The following FMN1 variants were observed in gnomAD, a reference collection of about 807,000 sequenced individuals.
The protein encoded by FMN1 is formin-1.
A neutral mutation model predicts 132.4 loss-of-function variants in FMN1; 110 were observed. The ratio of observed to expected loss-of-function variants is 0.83; its 90% CI spans 0.71 to 0.97. The LOEUF (loss-of-function observed/expected upper bound fraction) is 0.97. FMN1 is among the 50% of genes least tolerant of loss of function. The pLI, the probability that FMN1 is intolerant of heterozygous loss-of-function variation, is 0.00. For missense variants in FMN1, 1,792 were observed against 1,705.3 expected, an observed-to-expected ratio of 1.05 and a Z score of -0.90; for synonymous variants, 722 against 651.7, an observed-to-expected ratio of 1.11 and a Z score of -1.64.
At position 32,768,893 on chromosome 15, in the gene FMN1, CA is replaced by C. The variant is rs776114491; in HGVS notation, c.*5416del. The C allele has an allele frequency of 1.3e-5, 2 of 152,158 alleles. No individual in the cohort carries two copies. Among genetic ancestry groups the C allele is most frequent in the Non-Finnish European group, 2.9e-5 (2 of 68,018 alleles). The allele number at this position is 152,158 out of a possible 1,614,324, so 9.4% of individuals were successfully genotyped here. ...GAATAAAAGTCAATCTTCCCCACATCAAGAACTTCAGAGATGTAATATAAAG... is the reference window on the plus strand; with the variant it reads ...GAATAAAAGTCAATCTTCCCCACATCAGAACTTCAGAGATGTAATATAAAG... On this transcript the variant is annotated 3_prime_UTR_variant, in exon 21 of 21. Transcript: ENST00000616417.
chr15:32,782,206 A>T (rs148520185), intron 19 of FMN1, among the ~76,000 whole-genome samples: 5 of 152,334 alleles, frequency 3.3e-5, no homozygotes, highest in African/African-American at 1.2e-4. Flanking sequence ...AACGAGCAGG[A>T]TTTATCCATA....
At chr15:33,093,628 T>A (rs1292920442) in intron 4 of FMN1, among the ~76,000 whole-genome samples, 3 of 152,208 alleles carry the variant, frequency 2.0e-5, no homozygotes, top group Non-Finnish European at 1.5e-5. Context: ...GATACAATTC[T>A]GAGAAGGTGT....
At chr15:33,095,047 G>A (rs1002734091) in intron 4 of FMN1, among the ~76,000 whole-genome samples, 1 of 152,164 alleles carries the variant, frequency 6.6e-6, no homozygotes, top group East Asian at 1.9e-4. Context: ...ATTTTAGTAT[G>A]TTTGGTTATA....
intron 6 of FMN1, among the ~76,000 whole-genome samples, chr15:33,020,660 A>T (rs984403087): frequency 6.7e-6 from 1 of 149,436 alleles, no homozygotes; most frequent in Non-Finnish European, 1.5e-5. Context: ...AAAAAAAGAC[A>T]CTATGCTTAG....
intron 10 of FMN1, among the ~76,000 whole-genome samples, chr15:32,921,845 G>A (rs1347666281): frequency 1.3e-5 from 2 of 151,798 alleles, no homozygotes; most frequent in East Asian, 3.9e-4. Context: ...GCTAATTTTT[G>A]TGTTTTTTGT....
intron 4 of FMN1, among the ~76,000 whole-genome samples, chr15:33,118,901 G>A (rs1342041278): frequency 6.8e-6 from 1 of 146,928 alleles, no homozygotes; most frequent in South Asian, 2.1e-4. Context: ...AAGATTGGCC[G>A]TAAACCTTCC....
At chr15:33,157,443 T>G (rs1281309028) in intron 3 of FMN1, among the ~76,000 whole-genome samples, 3 of 152,124 alleles carry the variant, frequency 2.0e-5, no homozygotes, top group African/African-American at 7.2e-5. Context: ...ATTTTACAGA[T>G]GAGGAAACTG....
intron 17 of FMN1, among the ~76,000 whole-genome samples, chr15:32,831,278 G>GT (rs2058494810): frequency 6.6e-6 from 1 of 151,746 alleles, no homozygotes; most frequent in African/African-American, 2.4e-5. Flanking sequence ...GAGTGCAGTG[G>GT]TATGATCTCG....
In FMN1 at chr15:32,768,827, A is replaced by G. The variant is rs889536507; in HGVS notation, c.*5483T>C. 6.6e-6 allele frequency: 1 copy of G among 152,212 alleles called. No homozygotes were observed. Among genetic ancestry groups the G allele is most frequent in the Non-Finnish European group, 1.5e-5 (1 of 68,020 alleles). The allele number at this position is 152,212 out of a possible 1,614,324, so 9.4% of individuals were successfully genotyped here. A position where few individuals can be genotyped will look rare whatever the true frequency, so the allele number is the denominator to read the frequency against. ...CATAAGCGTAGAGGGAATGTAGAAA[A>G]ATAAATTGATGGCTATATCTAACAC... On this transcript the variant is annotated 3_prime_UTR_variant, in exon 21 of 21. Transcript: ENST00000616417.
At chr15:32,800,636 G>A (rs377478745) in intron 18 of FMN1, among the ~76,000 whole-genome samples, 1 of 152,204 alleles carries the variant, frequency 6.6e-6, no homozygotes, top group East Asian at 1.9e-4. Context: ...TTTACAGGAT[G>A]ACTTGCCCAA....
chr15:32,805,152 C>T (rs1044564644), intron 17 of FMN1, among the ~76,000 whole-genome samples: 5 of 152,220 alleles, frequency 3.3e-5, no homozygotes, highest in African/African-American at 7.2e-5. Flanking sequence ...TATTTCTCCA[C>T]ACCTTCTCCA....
chr15:33,104,780 A>G (rs2039421362), intron 4 of FMN1, among the ~76,000 whole-genome samples: 1 of 152,146 alleles, frequency 6.6e-6, no homozygotes, highest in Non-Finnish European at 1.5e-5. Flanking sequence ...ATTTGATATA[A>G]ATTTGTAAAG....
At chr15:32,791,048 TG>T in intron 19 of FMN1, among the ~76,000 whole-genome samples, 1 of 152,050 alleles carries the variant, frequency 6.6e-6, no homozygotes, top group South Asian at 2.1e-4. Context: ...CAGGAAATAA[TG>T]GGGGGAATGC....
At position 32,968,787 on chromosome 15, in the gene FMN1, G is replaced by C. The variant is rs375237808; in HGVS notation, c.2914C>G (p.Arg972Gly). ...CAACTGGGCTCGATGGCTGGTTTTC[G>C]AGGACATTGACTGGAAGAAGAGCCA... ...GLGSSSSQCPRKPAIEPSCPM... is the reference protein window; with the variant it reads ...GLGSSSSQCPGKPAIEPSCPM... The change falls in exon 8 of 21, where the codon CGA becomes GGA. Residue 972 changes from arginine (R) to glycine (G), a missense_variant. Physicochemically the swap from Arg to Gly is moderately radical, Grantham distance 125 (BLOSUM62 -2). Around this residue, in one of 3 missense-constraint regions of FMN1, gnomAD observed 1,150 missense variants for 1,043.1 expected, o/e 1.10. Transcript: ENST00000616417. 1 of 1,612,256 alleles carries C rather than the reference G, an allele frequency of 6.2e-7. No individual in the cohort carries two copies. The highest frequency in any genetic ancestry group is 8.5e-7 in the Non-Finnish European group (1 of 1,179,530).
chr15:33,046,147 A>G (rs975968213), intron 6 of FMN1, among the ~76,000 whole-genome samples: 1 of 152,174 alleles, frequency 6.6e-6, no homozygotes, highest in East Asian at 1.9e-4. Context: ...ATCAATCTCT[A>G]GAGAAATCAT....
At chr15:32,841,353 T>G (rs534756128) in intron 17 of FMN1, among the ~76,000 whole-genome samples, 4 of 152,330 alleles carry the variant, frequency 2.6e-5, no homozygotes, top group African/African-American at 9.6e-5. Flanking sequence ...GGCTTGTATT[T>G]CAGATTGATC....
chr15:33,040,059 A>T (rs1251886721), intron 6 of FMN1, among the ~76,000 whole-genome samples: 1 of 152,210 alleles, frequency 6.6e-6, no homozygotes, highest in Non-Finnish European at 1.5e-5. Context: ...TCCCCATGGA[A>T]GACGTGGCAC....
intron 17 of FMN1, among the ~76,000 whole-genome samples, chr15:32,839,432 T>C (rs2058697760): frequency 6.6e-6 from 1 of 152,104 alleles, no homozygotes. Flanking sequence ...TTTAGTGTTC[T>C]GCTTGTCTCG....
chr15:32,942,141 C>T (rs1344301743), intron 9 of FMN1, among the ~76,000 whole-genome samples: 20 of 152,338 alleles, frequency 1.3e-4, no homozygotes, highest in East Asian at 3.9e-4. Context: ...ACTATTACAT[C>T]GCCTAAGGGA....
Sources: gnomAD v4.1 joint callset for allele counts (sites outside exome capture counted in the v4.1 genomes callset) on GRCh38, gnomAD v4.1.1 for gene constraint, gnomAD v4.1.1 regional missense constraint, MANE v1.5 for transcripts, NCBI Gene and HGNC (gene_info 2026-07-23, HGNC 2026-07-21) for gene names.